CACNA2D3: variants seen among roughly 807,000 people sequenced by gnomAD.
CACNA2D3 encodes the protein calcium voltage-gated channel auxiliary subunit alpha2delta 3, also known as voltage-dependent calcium channel subunit alpha-2/delta-3.
A neutral mutation model predicts 160.6 loss-of-function variants in CACNA2D3; 60 were observed. The observed-to-expected ratio is 0.37, with a 90% CI of 0.30 to 0.46. The LOEUF (loss-of-function observed/expected upper bound fraction) is 0.46, where lower values mean the gene tolerates loss of function less well. CACNA2D3 is among the 20% of genes least tolerant of loss of function. The pLI is 1.00. For missense variants in CACNA2D3, 1,205 were observed against 1,365.0 expected (o/e 0.88, Z 1.85); for synonymous variants, 558 against 492.9 (o/e 1.13, Z -1.75).
At chr3:54,577,481 A>C (rs1702604040) in intron 8 of CACNA2D3, among the ~76,000 whole-genome samples, 1 of 152,188 alleles carries the variant, frequency 6.6e-6, no homozygotes, top group Non-Finnish European at 1.5e-5. Context: ...TCTCCAGAGA[A>C]GGCCAAGGAC....
rs60020847 is a variant in CACNA2D3, at chr3:54,832,011, T to TCACA, written c.1399-5106_1399-5103dup. On this transcript the variant is annotated intron_variant, in intron 14 of 37. Coordinates refer to ENST00000474759, the MANE Select transcript of CACNA2D3 (RefSeq NM_018398.3). ...TCCCTCTTTATCTCTCTCTTCTCTGTCACACACACACACACACACACACAC... is the reference window on the plus strand; with the variant it reads ...TCCCTCTTTATCTCTCTCTTCTCTGTCACACACACACACACACACACACACACAC... Among the ~76,000 whole-genome samples the TCACA allele has an allele frequency of 1.6e-3, 190 of 118,898 alleles. 3 individuals carry two copies. The highest frequency in any genetic ancestry group is 7.3e-3 in the East Asian group (29 of 3,966). The allele number at this position is 118,898 out of a possible 152,430, so 78.0% of individuals were successfully genotyped here.
intron 35 of CACNA2D3, among the ~76,000 whole-genome samples, chr3:55,052,164 T>C (rs1474991751): frequency 1.3e-5 from 2 of 152,320 alleles, no homozygotes; most frequent in Non-Finnish European, 2.9e-5. Context: ...TATTTTCTCA[T>C]TTTCCTTATG....
At chr3:54,950,060 G>T (rs561226834) in intron 27 of CACNA2D3, among the ~76,000 whole-genome samples, 1 of 152,170 alleles carries the variant, frequency 6.6e-6, no homozygotes, top group Admixed American at 6.5e-5. Flanking sequence ...GCATTTCAGG[G>T]CCATGCTAAG....
intron 11 of CACNA2D3, 48 bp downstream of exon 11, chr3:54,642,289 T>G: frequency 9.1e-7 from 1 of 1,101,912 alleles, no homozygotes. Context: ...TTGAGAATCT[T>G]TACTGTAATC....
At chr3:54,673,986 A>G (rs1256823940) in intron 11 of CACNA2D3, among the ~76,000 whole-genome samples, 2 of 152,212 alleles carry the variant, frequency 1.3e-5, no homozygotes, top group Non-Finnish European at 2.9e-5. Flanking sequence ...TGGCTGATGA[A>G]GCAGAGCAAG....
In CACNA2D3 at chr3:54,212,008, C is replaced by T. The variant is rs539240921; in HGVS notation, c.204+88414C>T. 2.6e-5 allele frequency among the ~76,000 whole-genome samples: 4 copies of T among 152,220 alleles called. No homozygotes were observed. The South Asian group carries it at 8.3e-4, about 32-fold the overall frequency. On this transcript the variant is annotated intron_variant, in intron 2 of 37. Transcript: ENST00000474759. Reference sequence around the variant, plus strand: ...ACAGAAATCTCAACTTCACCCACCTCTCTCTTGCCAAGAAACCCTGAGATA... The same window carrying T: ...ACAGAAATCTCAACTTCACCCACCTTTCTCTTGCCAAGAAACCCTGAGATA...
At chr3:54,516,083 G>T (rs1473044086) in intron 5 of CACNA2D3, among the ~76,000 whole-genome samples, 3 of 152,190 alleles carry the variant, frequency 2.0e-5, no homozygotes, top group Non-Finnish European at 4.4e-5. Context: ...GGGGGTTTGG[G>T]CCAGGGGTTC....
intron 2 of CACNA2D3, among the ~76,000 whole-genome samples, chr3:54,221,846 T>C (rs118146843): frequency 0.018 from 2,798 of 152,216 alleles, 118 homozygotes; most frequent in East Asian, 0.14. Flanking sequence ...TATTTTTTTT[T>C]CTGAAAAAAA....
intron 2 of CACNA2D3, among the ~76,000 whole-genome samples, chr3:54,224,961 T>C (rs1701644371): frequency 7.1e-6 from 1 of 139,940 alleles, no homozygotes; most frequent in Non-Finnish European, 1.5e-5. Flanking sequence ...TTTTTTTTAC[T>C]TTATATATAT....
At chr3:54,242,684 G>C (rs1559893389) in intron 2 of CACNA2D3, among the ~76,000 whole-genome samples, 2 of 152,112 alleles carry the variant, frequency 1.3e-5, no homozygotes, top group African/African-American at 4.8e-5. Context: ...TCAGGTCCTG[G>C]GTGGTATTTC....
intron 14 of CACNA2D3, among the ~76,000 whole-genome samples, chr3:54,822,998 G>A (rs945540970): frequency 2.0e-5 from 3 of 151,596 alleles, no homozygotes; most frequent in Non-Finnish European, 4.4e-5. Context: ...GGGATTACAG[G>A]CACCTGCCAC....
chr3:54,810,373 C>T (rs1703272360), intron 13 of CACNA2D3, among the ~76,000 whole-genome samples: 1 of 152,170 alleles, frequency 6.6e-6, no homozygotes, highest in Admixed American at 6.5e-5. Flanking sequence ...AATCTTAGCT[C>T]ATCAGAGACC....
chr3:54,521,341 A>G (rs1701643351), intron 5 of CACNA2D3, among the ~76,000 whole-genome samples: 2 of 152,196 alleles, frequency 1.3e-5, no homozygotes, highest in Non-Finnish European at 2.9e-5. Flanking sequence ...CCATTTGAAT[A>G]TGCTCTTTGG....
At chr3:54,547,037 G>C (rs984858987) in intron 5 of CACNA2D3, among the ~76,000 whole-genome samples, 2 of 152,152 alleles carry the variant, frequency 1.3e-5, no homozygotes, top group African/African-American at 4.8e-5. Context: ...TTAGTATATA[G>C]GAGCTACAGA....
chr3:54,750,331 C>G (rs902201255), intron 11 of CACNA2D3, among the ~76,000 whole-genome samples: 2 of 152,202 alleles, frequency 1.3e-5, no homozygotes, highest in Non-Finnish European at 2.9e-5. Context: ...AGGCTTCTTG[C>G]TTGCCAAGGA....
At chr3:54,842,897 G>A (rs891412088) in intron 16 of CACNA2D3, among the ~76,000 whole-genome samples, 5 of 151,708 alleles carry the variant, frequency 3.3e-5, no homozygotes, top group South Asian at 4.2e-4. Context: ...CACTGCGCCC[G>A]ACCACCTCCA....
chr3:54,535,825 C>T (rs1036948047), intron 5 of CACNA2D3, among the ~76,000 whole-genome samples: 4 of 152,166 alleles, frequency 2.6e-5, no homozygotes, highest in Non-Finnish European at 4.4e-5. Context: ...GGTCACCTGT[C>T]GGGAGGCTGA....
intron 14 of CACNA2D3, among the ~76,000 whole-genome samples, chr3:54,834,781 C>A (rs1458428887): frequency 6.6e-6 from 1 of 152,150 alleles, no homozygotes; most frequent in Non-Finnish European, 1.5e-5. Context: ...TTGGGTTACA[C>A]AATTGTGGGG....
intron 13 of CACNA2D3, among the ~76,000 whole-genome samples, chr3:54,775,126 G>A (rs966054659): frequency 1.3e-5 from 2 of 152,148 alleles, no homozygotes; most frequent in Admixed American, 6.5e-5. Context: ...ACAGCCAAAC[G>A]TTGAGAGATG....
Sources: gnomAD v4.1 joint callset for allele counts (sites outside exome capture counted in the v4.1 genomes callset) on GRCh38, gnomAD v4.1.1 for gene constraint, MANE v1.5 for transcripts, NCBI Gene and HGNC (gene_info 2026-07-23, HGNC 2026-07-21) for gene names.